The following KCNIP4 variants were observed in gnomAD, a reference collection of about 807,000 sequenced individuals.
KCNIP4 encodes the protein Kv channel-interacting protein 4.
KCNIP4 carries 12 observed loss-of-function variants against 34.0 expected under a neutral mutation model. The observed-to-expected ratio is 0.35, with a 90% CI of 0.23 to 0.57. The LOEUF (loss-of-function observed/expected upper bound fraction) is 0.57. KCNIP4 is among the 20% of genes least tolerant of loss of function. KCNIP4 has a pLI of 0.83. For missense variants in KCNIP4, 238 were observed against 311.7 expected (o/e 0.76, Z 1.78); for synonymous variants, 124 against 102.2 (o/e 1.21, Z -1.29).
intron 1 of KCNIP4, among the ~76,000 whole-genome samples, chr4:21,363,606 C>G (rs529800231): frequency 6.6e-6 from 1 of 152,212 alleles, no homozygotes; most frequent in African/African-American, 2.4e-5. Context: ...TTCTCAGTGG[C>G]AAGCTGGGCA....
intron 1 of KCNIP4, among the ~76,000 whole-genome samples, chr4:20,911,881 G>C (rs968473349): frequency 6.6e-6 from 1 of 152,148 alleles, no homozygotes; most frequent in Non-Finnish European, 1.5e-5. Flanking sequence ...AATCATTATA[G>C]AGGAATTTTT....
chr4:21,096,000 A>G (rs1747430971), intron 1 of KCNIP4, among the ~76,000 whole-genome samples: 1 of 152,216 alleles, frequency 6.6e-6, no homozygotes, highest in Non-Finnish European at 1.5e-5. Context: ...TGTGGTTACA[A>G]ATTTGAATAT....
chr4:20,821,247 GC>G (rs1180618787), intron 3 of KCNIP4, among the ~76,000 whole-genome samples: 1 of 152,172 alleles, frequency 6.6e-6, no homozygotes, highest in African/African-American at 2.4e-5. Flanking sequence ...AATGTCGTTT[GC>G]CTTGTCGGGT....
chr4:21,868,948 G>A (rs1185693603), intron 1 of KCNIP4, among the ~76,000 whole-genome samples: 1 of 152,182 alleles, frequency 6.6e-6, no homozygotes, highest in Non-Finnish European at 1.5e-5. Flanking sequence ...TTGTTAAAAT[G>A]TTCTCACTGG....
chr4:21,146,829 G>A (rs144937432), intron 1 of KCNIP4, among the ~76,000 whole-genome samples: 3 of 152,216 alleles, frequency 2.0e-5, no homozygotes, highest in African/African-American at 7.2e-5. Context: ...CATAATTGAA[G>A]TCATAGAAAA....
rs531820638 is a variant in KCNIP4 at position 21,745,599 on chromosome 4, T to A, written c.61+202972A>T. Reference sequence around the variant, plus strand: ...TTGGAAAATAGTTATATTATACAGGTCCACATCAAACCACAGAAACACAAA... The same window carrying A: ...TTGGAAAATAGTTATATTATACAGGACCACATCAAACCACAGAAACACAAA... On this transcript the variant is annotated intron_variant, in intron 1 of 8. Coordinates refer to ENST00000382152, the MANE Select transcript of KCNIP4 (RefSeq NM_025221.6). Among the ~76,000 whole-genome samples the A allele has an allele frequency of 1.6e-4, 24 of 152,214 alleles. 1 individual carries two copies. Among genetic ancestry groups the A allele is most frequent in the Middle Eastern group, 3.4e-3 (1 of 294 alleles).
At chr4:21,217,538 A>T (rs188508886) in intron 1 of KCNIP4, among the ~76,000 whole-genome samples, 17 of 152,318 alleles carry the variant, frequency 1.1e-4, no homozygotes, top group Admixed American at 3.9e-4. Flanking sequence ...TGCGCATTTA[A>T]AATGCACATT....
At chr4:21,828,017 T>TA (rs35665027) in intron 1 of KCNIP4, among the ~76,000 whole-genome samples, 14,797 of 144,334 alleles carry the variant, frequency 0.1, 2,217 homozygotes, top group African/African-American at 0.33. Context: ...GAGAGTCATG[T>TA]AAAAAAAAAA....
intron 1 of KCNIP4, among the ~76,000 whole-genome samples, chr4:21,239,760 T>C (rs1577944305): frequency 6.6e-6 from 1 of 152,224 alleles, no homozygotes; most frequent in African/African-American, 2.4e-5. Flanking sequence ...ATAGGAACAC[T>C]TTTACACTGT....
chr4:20,882,591 CA>C lies in KCNIP4; in HGVS notation c.163+16del, dbSNP rs751365080. On this transcript the variant is annotated intron_variant, in intron 2 of 8. Transcript: ENST00000382152. Reference sequence around the variant, plus strand: ...AAGAGTTTCGGAGGAAAAAAAAAAACAAAAAAACAAACTTGCTTTGAATAGC... The same window carrying C: ...AAGAGTTTCGGAGGAAAAAAAAAAACAAAAAACAAACTTGCTTTGAATAGC... The C allele has an allele frequency of 1.9e-6, 3 of 1,549,224 alleles. No homozygotes were observed. Among genetic ancestry groups the C allele is most frequent in the African/African-American group, 1.4e-5 (1 of 72,538 alleles).
At chr4:20,982,317 A>G (rs1329274305) in intron 1 of KCNIP4, among the ~76,000 whole-genome samples, 1 of 152,200 alleles carries the variant, frequency 6.6e-6, no homozygotes, top group Admixed American at 6.5e-5. Context: ...AAACGTGGTG[A>G]CAAAACAGAA....
intron 1 of KCNIP4, among the ~76,000 whole-genome samples, chr4:21,345,969 A>AGAG (rs1385499648): frequency 6.7e-6 from 1 of 149,340 alleles, no homozygotes; most frequent in Non-Finnish European, 1.5e-5. Flanking sequence ...GGGCCTGGGT[A>AGAG]GAGGTCCACA....
chr4:20,918,804 C>A (rs530987601), intron 1 of KCNIP4, among the ~76,000 whole-genome samples: 1 of 152,156 alleles, frequency 6.6e-6, no homozygotes, highest in African/African-American at 2.4e-5. Context: ...ATAACTGAGT[C>A]CAGACTCAAT....
chr4:21,605,320 T>C (rs1011733704), intron 1 of KCNIP4, among the ~76,000 whole-genome samples: 4 of 152,204 alleles, frequency 2.6e-5, no homozygotes, highest in Non-Finnish European at 5.9e-5. Context: ...TTGGAGGCTA[T>C]AGGCTTCTCC....
chr4:21,077,550 C>A (rs186195049), intron 1 of KCNIP4, among the ~76,000 whole-genome samples: 2 of 152,068 alleles, frequency 1.3e-5, no homozygotes, highest in Admixed American at 1.3e-4. Flanking sequence ...AATCAGAGTG[C>A]CCTAGTTAAA....
intron 3 of KCNIP4, among the ~76,000 whole-genome samples, chr4:20,800,881 G>T (rs995987322): frequency 3.3e-5 from 5 of 152,178 alleles, no homozygotes; most frequent in African/African-American, 1.2e-4. Flanking sequence ...TAAAATAGTG[G>T]CTGACAATTT....
At chr4:21,715,423 C>T (rs1256507012) in intron 1 of KCNIP4, among the ~76,000 whole-genome samples, 4 of 151,992 alleles carry the variant, frequency 2.6e-5, no homozygotes, top group Non-Finnish European at 5.9e-5. Context: ...AGCCACCGCG[C>T]CCAGCCTGAT....
chr4:21,676,379 G>T (rs1749899523), intron 1 of KCNIP4, among the ~76,000 whole-genome samples: 1 of 152,166 alleles, frequency 6.6e-6, no homozygotes, highest in South Asian at 2.1e-4. Context: ...CTCAAGTCTT[G>T]TCAAAAGACG....
intron 1 of KCNIP4, among the ~76,000 whole-genome samples, chr4:21,752,546 G>T (rs1717220451): frequency 6.6e-6 from 1 of 151,958 alleles, no homozygotes; most frequent in African/African-American, 2.4e-5. Flanking sequence ...GATTTTGGTG[G>T]GAACACAAAG....
Sources: allele counts gnomAD v4.1 joint callset (sites outside exome capture counted in the v4.1 genomes callset), GRCh38; gene constraint gnomAD v4.1.1; transcripts MANE v1.5; gene names NCBI Gene and HGNC (gene_info 2026-07-23, HGNC 2026-07-21).